The following FAM153A variants were observed in gnomAD, a reference collection of about 807,000 sequenced individuals.
FAM153A encodes protein FAM153A.
In FAM153A, 12 loss-of-function variants were observed where a neutral mutation model predicts 48.1. The observed-to-expected ratio is 0.25, with a 90% CI of 0.16 to 0.40. The LOEUF (loss-of-function observed/expected upper bound fraction) is 0.40, where lower values mean the gene tolerates loss of function less well. Ranked by LOEUF, FAM153A falls within the 10% of genes least tolerant of loss-of-function variation. FAM153A has a pLI of 1.00. For missense variants in FAM153A, 111 were observed against 345.8 expected, an observed-to-expected ratio of 0.32 and a Z score of 5.38; for synonymous variants, 36 against 118.2, an observed-to-expected ratio of 0.30 and a Z score of 4.51.
chr5:177,759,711 A>C lies in FAM153A; in HGVS notation c.-56-11012T>G, dbSNP rs574845418. Among the ~76,000 whole-genome samples the C allele has an allele frequency of 4.1e-3, 623 of 151,518 alleles. 3 individuals carry two copies. The highest frequency in any genetic ancestry group is 7.0e-3 in the Non-Finnish European group (477 of 67,974). Reference sequence around the variant, plus strand: ...CCATCATTCTCAGCAAACTATAGCAAGGACAAAAAACCAAATACCACATGT... The same window carrying C: ...CCATCATTCTCAGCAAACTATAGCACGGACAAAAAACCAAATACCACATGT... On this transcript the variant is annotated intron_variant, in intron 1 of 8. Transcript: ENST00000393518.
intron 12 of FAM153A, among the ~76,000 whole-genome samples, 153 bp from the exon 15 acceptor site, chr5:177,735,086 G>A (rs1318091874): frequency 1.5e-5 from 2 of 131,156 alleles, no homozygotes; most frequent in African/African-American, 5.4e-5. Context: ...CTAGCTCCAG[G>A]CCACCTCATA....
chr5:177,702,318 CTGG>C, the FAM153A span, among the ~76,000 whole-genome samples: 1 of 151,702 alleles, frequency 6.6e-6, no homozygotes, highest in African/African-American at 2.4e-5. Context: ...TTTAGGCTAT[CTGG>C]TGGAAGAAAT....
At chr5:177,707,526 A>C (rs1447574980), downstream of FAM153A, among the ~76,000 whole-genome samples, 2 of 151,936 alleles carry the variant, frequency 1.3e-5, no homozygotes, top group Non-Finnish European at 2.9e-5. Context: ...GATACAATGA[A>C]AGAAACATTT....
intron 18 of FAM153A, among the ~76,000 whole-genome samples, chr5:177,725,503 A>G (rs1192853706): frequency 6.6e-6 from 1 of 151,268 alleles, no homozygotes; most frequent in African/African-American, 2.5e-5. Context: ...ATTCAAGGTA[A>G]AGCTCCTTGT....
upstream of FAM153A, among the ~76,000 whole-genome samples, chr5:177,754,480 A>G (rs1403258521): frequency 5.9e-5 from 9 of 151,530 alleles, no homozygotes; most frequent in Non-Finnish European, 2.9e-5. Context: ...ACAGCTTTGA[A>G]GAGAGTAGTG....
At position 177,768,315 on chromosome 5, in the gene FAM153A, G is replaced by A. The variant is rs1245960832; in HGVS notation, c.-57+12134C>T. 4.1e-4 allele frequency among the ~76,000 whole-genome samples: 62 copies of A among 151,954 alleles called. No homozygotes were observed. The East Asian group carries it at 0.011, about 28-fold the overall frequency. On this transcript the variant is annotated intron_variant, in intron 1 of 8. Transcript: ENST00000393518. ...AAGCTCTCCAAGCCCAGTCACTTTGGGTCTTGATGAAAGCTTCATTATATT... is the reference window on the plus strand; with the variant it reads ...AAGCTCTCCAAGCCCAGTCACTTTGAGTCTTGATGAAAGCTTCATTATATT...
downstream of FAM153A, chr5:177,718,377 A>T (rs1308852700): frequency 1.9e-5 from 2 of 105,072 alleles, no homozygotes; most frequent in Non-Finnish European, 4.2e-5. Context: ...CTTAAAATTC[A>T]TGTAAACATC....
At chr5:177,711,930 T>G (rs1758545169) in exon 27 of FAM153A, 1 of 151,934 alleles carries the variant, frequency 6.6e-6, no homozygotes, top group African/African-American at 2.4e-5. Context: ...GCCATTACTG[T>G]TACAAGAATA....
At chr5:177,706,521 CAT>C (rs1289241025), downstream of FAM153A, among the ~76,000 whole-genome samples, 2 of 151,938 alleles carry the variant, frequency 1.3e-5, no homozygotes, top group Admixed American at 6.6e-5. Context: ...ATTAGAGTAA[CAT>C]GTAATTTTTA....
At chr5:177,703,123 C>CT (rs1327174282), downstream of FAM153A, among the ~76,000 whole-genome samples, 1 of 152,190 alleles carries the variant, frequency 6.6e-6, no homozygotes, top group Non-Finnish European at 1.5e-5. Context: ...CCTGGAAAAG[C>CT]TGCAGGTACT....
Position 177,766,215 on chromosome 5 carries a change from C to T in FAM153A, c.-57+14234G>A, listed in dbSNP as rs1393756185. ...TGAGCTTCAAAATGAGTTGAAATCT[C>T]CTTTCTGCCACTTCCTATATATAAA... On this transcript the variant is annotated intron_variant, in intron 1 of 8. Transcript: ENST00000393518. Among the ~76,000 whole-genome samples, 4 of 106,120 alleles carry T rather than the reference C, an allele frequency of 3.8e-5. 2 individuals are homozygous for T. Among genetic ancestry groups the T allele is most frequent in the Non-Finnish European group, 8.3e-5 (4 of 48,190 alleles). 69.6% of individuals were successfully genotyped at this position (106,120 alleles called of 152,430 possible).
At chr5:177,730,306 C>T (rs115019861) in intron 16 of FAM153A, among the ~76,000 whole-genome samples, 6,344 of 121,382 alleles carry the variant, frequency 0.052, 1,910 homozygotes, top group Middle Eastern at 0.11. Context: ...AATGGGTGCC[C>T]GGCTAATTCC....
At chr5:177,704,566 G>A (rs185158010), downstream of FAM153A, among the ~76,000 whole-genome samples, 2,512 of 148,544 alleles carry the variant, frequency 0.017, 23 homozygotes, top group East Asian at 0.072. Flanking sequence ...ATTGGACCAT[G>A]GAGGCGGTTT....
chr5:177,737,081 T>C (rs1582388288), exon 11 of FAM153A: 2 of 1,560,008 alleles, frequency 1.3e-6, no homozygotes, highest in Non-Finnish European at 1.7e-6. Flanking sequence ...CTGTCTGCCC[T>C]GGCCCATGCT....
At chr5:177,697,110 A>G in the FAM153A span, among the ~76,000 whole-genome samples, 1 of 151,660 alleles carries the variant, frequency 6.6e-6, no homozygotes, top group Non-Finnish European at 1.5e-5. Flanking sequence ...ATCTTCTTTA[A>G]TTTCTCTCAG....
At chr5:177,781,416 C>CGGCCGACTCACGGTATTTTTTGATAG (rs1309751234), upstream of FAM153A, among the ~76,000 whole-genome samples, 409 of 128,634 alleles carry the variant, frequency 3.2e-3, 3 homozygotes, top group East Asian at 4.2e-3. Context: ...CCACCGCGCC[C>CGGCCGACTCACGGTATTTTTTGATAG]AGCCCTAAAA....
chr5:177,700,670 C>G, the FAM153A span, among the ~76,000 whole-genome samples: 6 of 151,754 alleles, frequency 4.0e-5, no homozygotes, highest in African/African-American at 1.5e-4. Flanking sequence ...GGCATGGTGG[C>G]AGGCGCCTGT....
chr5:177,746,933 G>A, intron 4 of FAM153A, among the ~76,000 whole-genome samples: 1 of 140,466 alleles, frequency 7.1e-6, no homozygotes, highest in Admixed American at 7.4e-5. Context: ...ATCTCTGAAT[G>A]TTCTCTGCCC....
At chr5:177,712,079 C>T (rs555039047) in exon 27 of FAM153A, 1 of 151,856 alleles carries the variant, frequency 6.6e-6, no homozygotes, top group South Asian at 2.1e-4. Flanking sequence ...CTAAACTAGA[C>T]AGAAAATTCT....
Sources: allele counts gnomAD v4.1 joint callset (sites outside exome capture counted in the v4.1 genomes callset), GRCh38; gene constraint gnomAD v4.1.1; transcripts MANE v1.5; gene names NCBI Gene and HGNC (gene_info 2026-07-23, HGNC 2026-07-21).